Variants in DENND2B observed in about 807,000 individuals in gnomAD.
DENND2B encodes DENN domain-containing protein 2B.
A neutral mutation model predicts 116.0 loss-of-function variants in DENND2B; 32 were observed. The observed-to-expected ratio is 0.28, with a 90% CI of 0.21 to 0.37. The LOEUF (loss-of-function observed/expected upper bound fraction) is 0.37, where lower values mean the gene tolerates loss of function less well. Among genes scored for constraint, DENND2B ranks in the 10% least tolerant of loss-of-function variants. DENND2B has a pLI of 1.00. For synonymous variants in DENND2B, 588 were observed against 583.9 expected (o/e 1.01, Z -0.10); for missense variants, 1,276 against 1,477.7 (o/e 0.86, Z 2.24).
At chr11:8,733,238 A>C (rs1046092622) in intron 2 of DENND2B, among the ~76,000 whole-genome samples, 2 of 152,196 alleles carry the variant, frequency 1.3e-5, no homozygotes, top group African/African-American at 2.4e-5. Context: ...GGAGATCCCA[A>C]CTTCCTCACA....
chr11:8,715,571 C>T (rs755715527), intron 6 of DENND2B, 32 bp downstream of exon 6: 70 of 1,606,890 alleles, frequency 4.4e-5, no homozygotes, highest in Admixed American at 4.0e-4. Flanking sequence ...CCCACCTGCC[C>T]GGCTCCAGTG....
intron 5 of DENND2B, 48 bp from the exon 6 acceptor site, chr11:8,715,866 T>C: frequency 2.0e-6 from 3 of 1,525,370 alleles, no homozygotes; most frequent in Non-Finnish European, 2.7e-6. Flanking sequence ...ACAGAGGCCT[T>C]GGCCAGTGTC....
chr11:8,718,583 T>C (rs1286170528), intron 4 of DENND2B: 2 of 1,365,056 alleles, frequency 1.5e-6, no homozygotes, highest in Admixed American at 6.5e-5. Context: ...ACCGCTGATC[T>C]CAGCAAAAAG....
chr11:8,721,572 C>A (rs1182474165), intron 4 of DENND2B, among the ~76,000 whole-genome samples: 1 of 152,180 alleles, frequency 6.6e-6, no homozygotes, highest in Non-Finnish European at 1.5e-5. Context: ...TCACACAGGA[C>A]AGAAAGGGCC....
At chr11:8,804,669 C>A (rs957267612) in intron 1 of DENND2B, among the ~76,000 whole-genome samples, 1 of 151,786 alleles carries the variant, frequency 6.6e-6, no homozygotes, top group Non-Finnish European at 1.5e-5. Context: ...CTCAGCCTCC[C>A]GAGTAGCTGG....
intron 2 of DENND2B, among the ~76,000 whole-genome samples, chr11:8,858,099 A>AG (rs2063259561): frequency 6.6e-6 from 1 of 152,174 alleles, no homozygotes; most frequent in African/African-American, 2.4e-5. Context: ...ATAAACATAA[A>AG]ACCAGTTAGG....
chr11:8,873,902 T>C (rs192134313), upstream of DENND2B, among the ~76,000 whole-genome samples: 2 of 152,326 alleles, frequency 1.3e-5, no homozygotes, highest in Non-Finnish European at 1.5e-5. Context: ...AAGGGATCAT[T>C]AGCATTAGCC....
At chr11:8,837,727 C>T (rs778772329) in intron 4 of DENND2B, among the ~76,000 whole-genome samples, 45 of 152,174 alleles carry the variant, frequency 3.0e-4, no homozygotes, top group Non-Finnish European at 4.3e-4. Flanking sequence ...TCATACCACC[C>T]TCAGGGTACA....
chr11:8,769,696 C>A (rs2056522954), intron 1 of DENND2B, among the ~76,000 whole-genome samples: 1 of 152,204 alleles, frequency 6.6e-6, no homozygotes, highest in South Asian at 2.1e-4. Context: ...GTTGCAGTGG[C>A]CACACTGATC....
At position 8,707,044 on chromosome 11, in the gene DENND2B, C is replaced by G. The variant is rs538233390; in HGVS notation, c.2571+41G>C. 1.3e-6 allele frequency: 2 copies of G among 1,589,268 alleles called. No individual in the cohort carries two copies. The highest frequency in any genetic ancestry group is 2.3e-5 in the South Asian group (2 of 86,414). On this transcript the variant is annotated intron_variant, in intron 13 of 19. Coordinates refer to ENST00000313726, the MANE Select transcript of DENND2B (RefSeq NM_213618.2). The surrounding 1 kb of genome is among the most constrained non-coding windows in gnomAD (Gnocchi z 4.8). ...TGGCCAGCATGGTCCTCCTGCCACC[C>G]CAGCCCGTAGCCCGAGAGAAGAGGG...
At chr11:8,816,550 CAAAA>C (rs113682667) in intron 4 of DENND2B, among the ~76,000 whole-genome samples, 7 of 121,660 alleles carry the variant, frequency 5.8e-5, no homozygotes, top group Admixed American at 2.4e-4. Context: ...AACTGTGTCT[CAAAA>C]AAAAAAAAAA....
chr11:8,749,124 C>T (rs1186771241), intron 2 of DENND2B, among the ~76,000 whole-genome samples: 1 of 152,202 alleles, frequency 6.6e-6, no homozygotes, highest in Admixed American at 6.5e-5. Context: ...TCTGCCAGCT[C>T]AATCATGGTA....
intron 1 of DENND2B, among the ~76,000 whole-genome samples, chr11:8,793,385 T>G (rs2059552367): frequency 6.6e-6 from 1 of 152,236 alleles, no homozygotes; most frequent in East Asian, 1.9e-4. Flanking sequence ...TCTATTTTCC[T>G]GTCTCTATGA....
intron 3 of DENND2B, among the ~76,000 whole-genome samples, chr11:8,727,779 T>A (rs2047328887): frequency 6.6e-6 from 1 of 152,058 alleles, no homozygotes; most frequent in Non-Finnish European, 1.5e-5. Flanking sequence ...CAGGTAGCCC[T>A]CAAGTCAGTA....
At chr11:8,735,224 T>C (rs1213714708) in intron 2 of DENND2B, among the ~76,000 whole-genome samples, 1 of 152,206 alleles carries the variant, frequency 6.6e-6, no homozygotes, top group African/African-American at 2.4e-5. Flanking sequence ...CCACCTGGAA[T>C]GCTGCCCTGA....
At chr11:8,778,829 A>G (rs1280473819) in intron 1 of DENND2B, among the ~76,000 whole-genome samples, 1 of 152,252 alleles carries the variant, frequency 6.6e-6, no homozygotes, top group Admixed American at 6.5e-5. Flanking sequence ...TTCAGAAGCC[A>G]GAATTCAAGA....
At chr11:8,795,337 A>G (rs1445425355) in intron 1 of DENND2B, among the ~76,000 whole-genome samples, 7 of 152,182 alleles carry the variant, frequency 4.6e-5, no homozygotes, top group Non-Finnish European at 8.8e-5. Context: ...TCTGGCCCTC[A>G]TACCCTTATT....
intron 4 of DENND2B, among the ~76,000 whole-genome samples, chr11:8,831,220 A>G (rs147781892): frequency 6.6e-6 from 1 of 152,332 alleles, no homozygotes; most frequent in East Asian, 1.9e-4. Flanking sequence ...CTGATAGGTA[A>G]GAATCACATA....
At chr11:8,869,509 A>AAAATTAGCCAGACGTAGTGGCAGGCGCC (rs1285409640) in intron 2 of DENND2B, among the ~76,000 whole-genome samples, 15 of 152,232 alleles carry the variant, frequency 9.9e-5, no homozygotes, top group Admixed American at 2.0e-4. Context: ...TAAAAATACA[A>AAAATTAGCCAGACGTAGTGGCAGGCGCC]AAATTAGCCA....
Sources: gnomAD v4.1 joint callset for allele counts (sites outside exome capture counted in the v4.1 genomes callset) on GRCh38, gnomAD v4.1.1 for gene constraint, Gnocchi (gnomAD v3.1) non-coding constraint, MANE v1.5 for transcripts, NCBI Gene and HGNC (gene_info 2026-07-23, HGNC 2026-07-21) for gene names.